The following ROBO2 variants were observed in gnomAD, a reference collection of about 807,000 sequenced individuals.
ROBO2 encodes roundabout homolog 2.
A neutral mutation model predicts 160.8 loss-of-function variants in ROBO2; 53 were observed. That is an observed-to-expected ratio of 0.33 (90% CI 0.26 to 0.41). The LOEUF (loss-of-function observed/expected upper bound fraction) is 0.41. ROBO2 is among the 10% of genes least tolerant of loss of function. The pLI, the probability that ROBO2 is intolerant of heterozygous loss-of-function variation, is 1.00. For missense variants in ROBO2, 1,577 were observed against 1,722.4 expected, an observed-to-expected ratio of 0.92 and a Z score of 1.49; for synonymous variants, 664 against 611.7, an observed-to-expected ratio of 1.09 and a Z score of -1.26.
intron 2 of ROBO2, among the ~76,000 whole-genome samples, chr3:76,094,718 C>T (rs1240602659): frequency 6.6e-6 from 1 of 152,098 alleles, no homozygotes; most frequent in Non-Finnish European, 1.5e-5. Context: ...AATAACAAAA[C>T]TATGTAAATA....
chr3:76,513,813 C>G (rs919387160), intron 2 of ROBO2, among the ~76,000 whole-genome samples: 1 of 152,176 alleles, frequency 6.6e-6, no homozygotes, highest in Non-Finnish European at 1.5e-5. Flanking sequence ...ATCCTACCCA[C>G]TTCGGCCAAC....
chr3:76,758,333 G>A (rs796196269), intron 2 of ROBO2, among the ~76,000 whole-genome samples: 28 of 151,844 alleles, frequency 1.8e-4, no homozygotes, highest in African/African-American at 6.7e-4. Flanking sequence ...AAGCTTGCCT[G>A]TACTAAAACA....
At chr3:76,222,881 A>G (rs1704058767) in intron 2 of ROBO2, among the ~76,000 whole-genome samples, 1 of 151,638 alleles carries the variant, frequency 6.6e-6, no homozygotes, top group Admixed American at 6.6e-5. Context: ...CAGCCTTCCG[A>G]GTAGCTGGGA....
chr3:76,605,808 C>T (rs2087604608), intron 2 of ROBO2, among the ~76,000 whole-genome samples: 2 of 152,200 alleles, frequency 1.3e-5, no homozygotes, highest in Non-Finnish European at 2.9e-5. Context: ...TTCTCCCCCC[C>T]TTATTTGATA....
rs1447303673 is a variant in ROBO2 at position 77,391,304 on chromosome 3, G to A, written c.389-86110G>A. Among the ~76,000 whole-genome samples the A allele has an allele frequency of 2.6e-5, 4 of 151,938 alleles. No individual in the cohort carries two copies. In the East Asian group the frequency reaches 7.8e-4, roughly 29 times the overall value. On this transcript the variant is annotated intron_variant, in intron 2 of 25. Transcript: ENST00000461745. ...TAATTTATAAACATCAAAACAAAAA[G>A]CTTTTTTAAGAAATTTTTTTGAGAC...
chr3:75,938,201 A>G (rs1947884932), intron 2 of ROBO2, among the ~76,000 whole-genome samples: 1 of 151,944 alleles, frequency 6.6e-6, no homozygotes, highest in Non-Finnish European at 1.5e-5. Context: ...TCTGTTGGAG[A>G]GTAGAAAAGG....
intron 2 of ROBO2, among the ~76,000 whole-genome samples, chr3:76,460,497 C>G (rs7630227): frequency 0.096 from 14,621 of 152,196 alleles, 783 homozygotes; most frequent in Middle Eastern, 0.12. Context: ...CTCTGGCTCT[C>G]TTGCTCTCTT....
upstream of ROBO2, among the ~76,000 whole-genome samples, chr3:77,035,776 A>G (rs564250717): frequency 2.6e-5 from 4 of 151,980 alleles, no homozygotes; most frequent in African/African-American, 9.6e-5. Context: ...AAAATCATGT[A>G]GGGGCAAATG....
intron 2 of ROBO2, among the ~76,000 whole-genome samples, chr3:76,851,237 A>T (rs1198523306): frequency 6.6e-6 from 1 of 152,232 alleles, no homozygotes; most frequent in East Asian, 1.9e-4. Flanking sequence ...ATCAAATAAA[A>T]TTAAAAATTC....
chr3:77,010,610 C>G (rs1333772958), intron 2 of ROBO2, among the ~76,000 whole-genome samples: 3 of 152,066 alleles, frequency 2.0e-5, no homozygotes, highest in Non-Finnish European at 4.4e-5. Context: ...AGTTTCAGGA[C>G]CTTTACCCGT....
intron 2 of ROBO2, among the ~76,000 whole-genome samples, chr3:76,456,148 A>G (rs184416334): frequency 1.4e-4 from 22 of 152,286 alleles, no homozygotes; most frequent in Non-Finnish European, 2.8e-4. Flanking sequence ...ATGGACTAGT[A>G]CCTAACAGCA....
intron 2 of ROBO2, among the ~76,000 whole-genome samples, chr3:76,572,058 C>A (rs1361206978): frequency 6.6e-6 from 1 of 152,054 alleles, no homozygotes; most frequent in Non-Finnish European, 1.5e-5. Context: ...TGATATTATA[C>A]CTGAAGTATT....
chr3:76,847,444 A>C (rs1260935245), intron 2 of ROBO2, among the ~76,000 whole-genome samples: 1 of 152,196 alleles, frequency 6.6e-6, no homozygotes, highest in Non-Finnish European at 1.5e-5. Flanking sequence ...TCACAGTGGC[A>C]GACTATTGAG....
chr3:76,272,611 T>C (rs940613534), intron 2 of ROBO2, among the ~76,000 whole-genome samples: 1 of 123,340 alleles, frequency 8.1e-6, no homozygotes, highest in African/African-American at 2.8e-5. Context: ...TGCAGTGAGC[T>C]GAGATCATGC....
chr3:77,349,923 G>A (rs966882879), intron 2 of ROBO2, among the ~76,000 whole-genome samples: 12 of 151,952 alleles, frequency 7.9e-5, no homozygotes, highest in African/African-American at 2.4e-4. Context: ...TGTACTTCCA[G>A]CAGTCTGGTC....
intron 2 of ROBO2, among the ~76,000 whole-genome samples, chr3:77,111,109 T>C (rs1181618966): frequency 6.6e-6 from 1 of 152,260 alleles, no homozygotes; most frequent in East Asian, 1.9e-4. Flanking sequence ...TTTATTAAAA[T>C]TAAAACTTTA....
intron 5 of ROBO2, among the ~76,000 whole-genome samples, chr3:77,509,862 C>T (rs927970684): frequency 1.3e-5 from 2 of 151,960 alleles, no homozygotes; most frequent in Admixed American, 6.6e-5. Context: ...GTGACAGGGT[C>T]ATGCTTTTAT....
chr3:76,205,842 A>T (rs531358473), intron 2 of ROBO2, among the ~76,000 whole-genome samples: 1 of 152,082 alleles, frequency 6.6e-6, no homozygotes, highest in South Asian at 2.1e-4. Flanking sequence ...CTTGTCACTG[A>T]TAGAAAAGGA....
At chr3:76,163,686 T>G (rs2072724452) in intron 2 of ROBO2, among the ~76,000 whole-genome samples, 1 of 151,998 alleles carries the variant, frequency 6.6e-6, no homozygotes, top group African/African-American at 2.4e-5. Flanking sequence ...CAAAACAATG[T>G]TTACAATATA....
Sources: allele counts gnomAD v4.1 joint callset (sites outside exome capture counted in the v4.1 genomes callset), GRCh38; gene constraint gnomAD v4.1.1; transcripts MANE v1.5; gene names NCBI Gene and HGNC (gene_info 2026-07-23, HGNC 2026-07-21).